The following SLC12A7 variants were observed in gnomAD, a reference collection of about 807,000 sequenced individuals.
SLC12A7 encodes the protein solute carrier family 12 member 7.
SLC12A7 carries 100 observed loss-of-function variants against 120.6 expected under a neutral mutation model. The ratio of observed to expected loss-of-function variants is 0.83; its 90% CI spans 0.71 to 0.98. SLC12A7 has a LOEUF of 0.98. Ranked by LOEUF, SLC12A7 falls within the 50% of genes least tolerant of loss-of-function variation. The pLI, the probability that SLC12A7 is intolerant of heterozygous loss-of-function variation, is 0.00. For synonymous variants in SLC12A7, 760 were observed against 678.0 expected (o/e 1.12, Z -1.88); for missense variants, 1,373 against 1,548.1 (o/e 0.89, Z 1.90).
chr5:1,122,868 C>T, the SLC12A7 span, among the ~76,000 whole-genome samples: 18 of 152,270 alleles, frequency 1.2e-4, no homozygotes, highest in Non-Finnish European at 2.5e-4. Flanking sequence ...TGGGTAACAA[C>T]TTCAAAGGTA....
rs376157680 is a variant in SLC12A7 at position 1,064,271 on chromosome 5, G to A, written c.2438-19C>T. 109 of 1,598,684 alleles carry A rather than the reference G, an allele frequency of 6.8e-5. No homozygotes were observed. Among genetic ancestry groups the A allele is most frequent in the African/African-American group, 3.9e-4 (29 of 74,690 alleles). On this transcript the variant is annotated intron_variant, in intron 18 of 23. Coordinates refer to ENST00000264930, the MANE Select transcript of SLC12A7 (RefSeq NM_006598.3). ...ACGGTGTCTGCGGAGAGAGGCGGCC[G>A]TCCGCAGGTCATCTGAGGCCAGGGT...
chr5:1,130,556 G>T, the SLC12A7 span, among the ~76,000 whole-genome samples: 207 of 145,366 alleles, frequency 1.4e-3, no homozygotes, highest in Middle Eastern at 8.1e-3. Context: ...TGCCCGCGCA[G>T]GTCCCCTCAC....
chr5:1,112,142 C>T (rs1382889185), upstream of SLC12A7: 1 of 966,144 alleles, frequency 1.0e-6, no homozygotes, highest in East Asian at 3.7e-5. Flanking sequence ...CCCGCGGCCC[C>T]ACGAAAAGTT....
In SLC12A7 at chr5:1,079,452, G is replaced by C; in HGVS notation, c.1342C>G (p.Gln448Glu). ...ATGGTCCCCGTGGGGATGGACTTCT[G>C]TGCATCCTTGAGGTCCCCGGACCGG... ...SNRSGDLKDA[Q>E]KSIPTGTILA... The change falls in exon 10 of 24, where the codon CAG becomes GAG. Residue 448 changes from glutamine to glutamate, a missense_variant. Gln to Glu is a conservative substitution (Grantham distance 29). Coordinates refer to ENST00000264930, the MANE Select transcript of SLC12A7 (RefSeq NM_006598.3). 1.9e-6 allele frequency: 3 copies of C among 1,612,834 alleles called. No homozygotes were observed. The highest frequency in any genetic ancestry group is 8.5e-7 in the Non-Finnish European group (1 of 1,179,904).
intron 17 of SLC12A7, among the ~76,000 whole-genome samples, chr5:1,069,841 G>C (rs1737468458): frequency 2.0e-5 from 3 of 152,144 alleles, no homozygotes; most frequent in Admixed American, 6.5e-5. Context: ...AAGACACAAA[G>C]TCTCAGACCC....
At chr5:1,090,050 A>G (rs1740319006) in intron 3 of SLC12A7, among the ~76,000 whole-genome samples, 1 of 152,264 alleles carries the variant, frequency 6.6e-6, no homozygotes, top group African/African-American at 2.4e-5. Flanking sequence ...TCCTGTGAAC[A>G]GTGGCCACAA....
At chr5:1,073,582 G>C (rs1737954221) in intron 17 of SLC12A7, 51 bp downstream of exon 17, 2 of 1,549,892 alleles carry the variant, frequency 1.3e-6, no homozygotes, top group Non-Finnish European at 1.7e-6. Context: ...CACGTTTCCT[G>C]TGCAGCTGGG....
chr5:1,155,603 C>A, the SLC12A7 span, among the ~76,000 whole-genome samples: 1 of 151,394 alleles, frequency 6.6e-6, no homozygotes, highest in African/African-American at 2.4e-5. Flanking sequence ...GGAGCCCCAC[C>A]CCCGCCGGCC....
the SLC12A7 span, among the ~76,000 whole-genome samples, chr5:1,138,934 G>A: frequency 0.036 from 5,473 of 152,296 alleles, 145 homozygotes; most frequent in Non-Finnish European, 0.056. Flanking sequence ...GAGGTGAGCC[G>A]GGGATACTCG....
chr5:1,154,370 C>G, the SLC12A7 span, among the ~76,000 whole-genome samples: 1 of 151,788 alleles, frequency 6.6e-6, no homozygotes. Flanking sequence ...CACACACACA[C>G]ACACACACAC....
chr5:1,081,824 A>C, intron 8 of SLC12A7, 80 bp from the exon 9 acceptor site: 2 of 1,521,542 alleles, frequency 1.3e-6, no homozygotes, highest in East Asian at 4.6e-5. Context: ...ACTCCCCGGC[A>C]GGTGCCACTG....
chr5:1,122,232 C>A, the SLC12A7 span, among the ~76,000 whole-genome samples: 2 of 152,208 alleles, frequency 1.3e-5, no homozygotes, highest in African/African-American at 4.8e-5. Context: ...AAACGTGTCA[C>A]CCCAACCCTT....
At chr5:1,098,050 C>A (rs1741477473) in intron 1 of SLC12A7, among the ~76,000 whole-genome samples, 1 of 151,862 alleles carries the variant, frequency 6.6e-6, no homozygotes, top group Non-Finnish European at 1.5e-5. Context: ...CGTTAAAAAT[C>A]CAATGCCCTC....
At chr5:1,082,043 CGGGTTCTGG>C (rs1739194836) in intron 8 of SLC12A7, among the ~76,000 whole-genome samples, 22 of 123,468 alleles carry the variant, frequency 1.8e-4, no homozygotes, top group Non-Finnish European at 9.5e-5. Flanking sequence ...CTTCCCGTCT[CGGGTTCTGG>C]AAAGCCTGGG....
chr5:1,086,143 T>A (rs973085879), intron 6 of SLC12A7, among the ~76,000 whole-genome samples: 3 of 152,100 alleles, frequency 2.0e-5, no homozygotes, highest in Admixed American at 6.5e-5. Context: ...GCCAGGGGAC[T>A]CGGGTTGGGA....
At chr5:1,076,262 C>A (rs200193058) in intron 13 of SLC12A7, 26 bp from the exon 14 acceptor site, 12 of 1,573,912 alleles carry the variant, frequency 7.6e-6, no homozygotes, top group Non-Finnish European at 9.5e-6. Flanking sequence ...GCCACTGATA[C>A]GGGCCCACTG....
At position 1,085,285 on chromosome 5, in the gene SLC12A7, G is replaced by T; in HGVS notation, c.864C>A (p.Ile288=). 1 of 1,612,670 alleles carries T rather than the reference G, an allele frequency of 6.2e-7. No homozygotes were observed. The highest frequency in any genetic ancestry group is 2.2e-5 in the East Asian group (1 of 44,860). Residue 288 remains isoleucine (I), a synonymous_variant, in exon 7 of 24, where the codon ATC becomes ATA. Coordinates refer to ENST00000264930, the MANE Select transcript of SLC12A7 (RefSeq NM_006598.3). Reference sequence around the variant, plus strand: ...TGATGACGCCGGCATAGATGGCCAGGATGGACAGCACGACGCAGGCCAGGA... The same window carrying T: ...TGATGACGCCGGCATAGATGGCCAGTATGGACAGCACGACGCAGGCCAGGA... ...LVFLACVVLS[I]LAIYAGVIKS...
the SLC12A7 span, among the ~76,000 whole-genome samples, chr5:1,140,188 C>A: frequency 6.6e-6 from 1 of 152,226 alleles, no homozygotes; most frequent in Non-Finnish European, 1.5e-5. Context: ...TCGTACCAGC[C>A]GCTGCAGCCC....
At chr5:1,139,655 A>G in the SLC12A7 span, among the ~76,000 whole-genome samples, 2 of 152,250 alleles carry the variant, frequency 1.3e-5, no homozygotes, top group African/African-American at 4.8e-5. Flanking sequence ...GCGTCCGCAC[A>G]GCCTGCCTTC....
Sources: allele counts gnomAD v4.1 joint callset (sites outside exome capture counted in the v4.1 genomes callset), GRCh38; gene constraint gnomAD v4.1.1; transcripts MANE v1.5; gene names NCBI Gene and HGNC (gene_info 2026-07-23, HGNC 2026-07-21).